The following USP48 variants were observed in gnomAD, a reference collection of about 807,000 sequenced individuals.
USP48 encodes ubiquitin specific peptidase 48, also known as ubiquitin carboxyl-terminal hydrolase 48.
Under a neutral mutation model 150.7 loss-of-function variants are expected in USP48, and 43 were observed. The observed-to-expected ratio is 0.29, with a 90% confidence interval of 0.22 to 0.37. The LOEUF (loss-of-function observed/expected upper bound fraction) is 0.37, where lower values mean the gene tolerates loss of function less well. USP48 is among the 10% of genes least tolerant of loss of function. The probability of loss-of-function intolerance (pLI) is 1.00; values close to 1 mark genes in which losing one functional copy is unlikely to be tolerated. For missense variants in USP48, 813 were observed against 1,249.6 expected (o/e 0.65, Z 5.27); for synonymous variants, 396 against 425.9 (o/e 0.93, Z 0.86).
intron 21 of USP48, among the ~76,000 whole-genome samples, chr1:21,702,825 A>G (rs2097661044): frequency 6.6e-6 from 1 of 152,248 alleles, no homozygotes; most frequent in Non-Finnish European, 1.5e-5. Flanking sequence ...CAGTCACGCT[A>G]GCCACATCGA....
intron 14 of USP48, among the ~76,000 whole-genome samples, 179 bp from the exon 15 acceptor site, chr1:21,715,636 G>T (rs913284098): frequency 6.6e-6 from 1 of 152,150 alleles, no homozygotes; most frequent in African/African-American, 2.4e-5. Flanking sequence ...CCCTTAAAAG[G>T]AAAGAGGAAC....
chr1:21,757,207 A>G (rs2097838724), intron 2 of USP48, among the ~76,000 whole-genome samples: 2 of 152,136 alleles, frequency 1.3e-5, no homozygotes. Context: ...TTTTATTAAA[A>G]TATCTATATA....
At chr1:21,770,995 G>A (rs535392515) in intron 1 of USP48, among the ~76,000 whole-genome samples, 8 of 151,866 alleles carry the variant, frequency 5.3e-5, no homozygotes, top group African/African-American at 1.4e-4. Flanking sequence ...GCATGGTGGT[G>A]CATGCCTGTC....
At chr1:21,692,435 C>T in intron 23 of USP48, among the ~76,000 whole-genome samples, 1 of 152,172 alleles carries the variant, frequency 6.6e-6, no homozygotes, top group East Asian at 1.9e-4. Flanking sequence ...GTCACAGCTG[C>T]TGGACTGTAA....
At chr1:21,745,979 A>G (rs1467494000) in intron 8 of USP48, among the ~76,000 whole-genome samples, 1 of 152,242 alleles carries the variant, frequency 6.6e-6, no homozygotes, top group South Asian at 2.1e-4. Context: ...ATTTTAAAGT[A>G]CAGTACTGAA....
intron 3 of USP48, among the ~76,000 whole-genome samples, chr1:21,754,978 G>A (rs56357303): frequency 0.11 from 17,348 of 152,140 alleles, 1,192 homozygotes; most frequent in African/African-American, 0.18. Context: ...TCCGTTGGAT[G>A]TTCTCTTTCA....
At chr1:21,706,433 A>C in intron 17 of USP48, 34 bp downstream of exon 17, 1 of 1,612,628 alleles carries the variant, frequency 6.2e-7, no homozygotes, top group Non-Finnish European at 8.5e-7. Context: ...TAAAAAGAAA[A>C]GATGCATTCT....
In USP48 at chr1:21,747,115, T is replaced by A. The variant is rs200751770; in HGVS notation, c.943A>T (p.Ile315Phe). The A allele has an allele frequency of 6.8e-6, 11 of 1,611,850 alleles. No homozygotes were observed. Among genetic ancestry groups the A allele is most frequent in the Non-Finnish European group, 1.7e-6 (2 of 1,179,716 alleles). ...ATATCCAAAATTTCTGAGAAGCCAA[T>A]GTAGGTATTCAGCTTTTTCTTATGT... Reference protein sequence around the residue: ...TGHKKKLNTYIGFSEILDMEP... With the variant: ...TGHKKKLNTYFGFSEILDMEP... Residue 315 changes from isoleucine to phenylalanine, a missense_variant, in exon 8 of 27, where the codon ATT becomes TTT. Coordinates refer to ENST00000308271, the MANE Select transcript of USP48 (RefSeq NM_032236.8).
At position 21,703,628 on chromosome 1, in the gene USP48, A is replaced by G. The variant is rs55633304; in HGVS notation, c.2516-10T>C. On this transcript the variant is annotated splice_polypyrimidine_tract_variant and intron_variant, in intron 20 of 26. Transcript: ENST00000308271. ...CATTCTGGACAGAGTTCTTTGGGGG[A>G]AAAAAAAAAAGGGAAAACAGAAGTG... 0.21 allele frequency: 173,711 copies of G among 835,916 alleles called. 8,872 individuals are homozygous for G. Among genetic ancestry groups the G allele is most frequent in the Non-Finnish European group, 0.22 (143,310 of 643,020 alleles). 51.8% of individuals were successfully genotyped at this position (835,916 alleles called of 1,614,324 possible). A position where few individuals can be genotyped will look rare whatever the true frequency, so the allele number is the denominator to read the frequency against.
At chr1:21,708,133 G>A (rs1202557339) in intron 15 of USP48, among the ~76,000 whole-genome samples, 1 of 152,026 alleles carries the variant, frequency 6.6e-6, no homozygotes, top group Non-Finnish European at 1.5e-5. Context: ...ATTGCACTCT[G>A]GCCTGGGCAA....
chr1:21,701,064 CAAA>C (rs11311453), intron 22 of USP48, among the ~76,000 whole-genome samples: 5 of 60,472 alleles, frequency 8.3e-5, no homozygotes, highest in Admixed American at 2.1e-4. Context: ...GGATCCATCT[CAAA>C]AAAAAAAAAA....
At chr1:21,732,132 A>T (rs1467568161) in intron 9 of USP48, among the ~76,000 whole-genome samples, 1 of 152,154 alleles carries the variant, frequency 6.6e-6, no homozygotes, top group Non-Finnish European at 1.5e-5. Flanking sequence ...ACAAATAATT[A>T]GCCAGGCATG....
intron 1 of USP48, among the ~76,000 whole-genome samples, chr1:21,776,296 C>G (rs1370641907): frequency 1.3e-5 from 2 of 152,084 alleles, no homozygotes; most frequent in East Asian, 1.9e-4. Context: ...TGTAAACAGT[C>G]CTGACACATG....
chr1:21,711,648 C>G (rs1309828842), intron 15 of USP48, among the ~76,000 whole-genome samples: 2 of 152,300 alleles, frequency 1.3e-5, no homozygotes, highest in South Asian at 4.1e-4. Flanking sequence ...CAATAGCAGA[C>G]AGTGCCATTG....
intron 1 of USP48, among the ~76,000 whole-genome samples, chr1:21,778,119 G>A (rs2097904600): frequency 6.6e-6 from 1 of 151,538 alleles, no homozygotes; most frequent in South Asian, 2.1e-4. Flanking sequence ...CTCCAGCCTG[G>A]GTGACAGAGT....
In USP48 at chr1:21,757,736, T is replaced by C. The variant is rs1336963851; in HGVS notation, c.182A>G (p.His61Arg). Residue 61 changes from histidine (H) to arginine (R), a missense_variant, in exon 2 of 27, where the codon CAT becomes CGT. Physicochemically the swap from His to Arg is conservative, Grantham distance 29. Coordinates refer to ENST00000308271, the MANE Select transcript of USP48 (RefSeq NM_032236.8). ...NPNCLVGIGE[H>R]IWLGEIDENS... ...TTCATCTATTTCTCCTAACCAAATATGCTCACCAATACCAACCAAGCAATT... is the reference window on the plus strand; with the variant it reads ...TTCATCTATTTCTCCTAACCAAATACGCTCACCAATACCAACCAAGCAATT... The C allele has an allele frequency of 1.2e-6, 2 of 1,612,948 alleles. No individual in the cohort carries two copies. Among genetic ancestry groups the C allele is most frequent in the Non-Finnish European group, 8.5e-7 (1 of 1,179,640 alleles).
intron 9 of USP48, among the ~76,000 whole-genome samples, chr1:21,730,880 C>G (rs1385315110): frequency 6.6e-6 from 1 of 151,606 alleles, no homozygotes. Flanking sequence ...CATGCCTCAG[C>G]CTCTCAAGTA....
chr1:21,701,400 A>T, intron 22 of USP48, 98 bp downstream of exon 22: 1 of 919,066 alleles, frequency 1.1e-6, no homozygotes, highest in Non-Finnish European at 1.7e-6. Flanking sequence ...AAGAACCAAT[A>T]TCCCATACAG....
In USP48 at chr1:21,748,196, G is replaced by A. The variant is rs866738581; in HGVS notation, c.850C>T (p.Arg284Ter). ...QSKQNATRKI[R>*]LLSLPCTLNL... ...AGAGTGCAAGGAAGGCTAAGAAGTC[G>A]AATCTTTCTTGTTGCATTCTGTTTG... The change falls in exon 7 of 27, where the codon CGA becomes TGA. Residue 284 changes from arginine to a stop codon, truncating the protein, a stop_gained. Transcript: ENST00000308271. LOFTEE classifies it high-confidence loss of function. The A allele has an allele frequency of 6.2e-7, 1 of 1,614,022 alleles. No individual in the cohort carries two copies. Among genetic ancestry groups the A allele is most frequent in the Non-Finnish European group, 8.5e-7 (1 of 1,180,010 alleles).
Sources: allele counts gnomAD v4.1 joint callset (sites outside exome capture counted in the v4.1 genomes callset), GRCh38; gene constraint gnomAD v4.1.1; transcripts MANE v1.5; gene names NCBI Gene and HGNC (gene_info 2026-07-23, HGNC 2026-07-21).